PHF21A: variants seen among roughly 807,000 people sequenced by gnomAD.
PHF21A encodes PHD finger protein 21A, also known as BHC80a.
PHF21A carries 11 observed loss-of-function variants against 82.5 expected under a neutral mutation model. That is an observed-to-expected ratio of 0.13 (90% CI 0.08 to 0.22). The LOEUF (loss-of-function observed/expected upper bound fraction) is 0.22. Among genes scored for constraint, PHF21A ranks in the 10% least tolerant of loss-of-function variants. The pLI is 1.00. For synonymous variants in PHF21A, 297 were observed against 302.8 expected (o/e 0.98, Z 0.20); for missense variants, 579 against 837.8 (o/e 0.69, Z 3.81).
intron 6 of PHF21A, among the ~76,000 whole-genome samples, chr11:46,039,203 AT>A (rs1177413495): frequency 1.3e-5 from 2 of 152,208 alleles, no homozygotes; most frequent in Non-Finnish European, 2.9e-5. Flanking sequence ...GAGAATACTA[AT>A]GAAACGTTTA....
intron 9 of PHF21A, among the ~76,000 whole-genome samples, chr11:45,966,195 C>CTT (rs59470131): frequency 0.88 from 133,692 of 152,060 alleles, 58,993 homozygotes; most frequent in East Asian, 1. Context: ...GTACTGAAGA[C>CTT]TCACACTTTT....
intron 10 of PHF21A, among the ~76,000 whole-genome samples, chr11:45,954,959 T>C (rs1426314304): frequency 6.6e-6 from 1 of 152,228 alleles, no homozygotes; most frequent in Non-Finnish European, 1.5e-5. Context: ...TGATTTTCTT[T>C]CCTGGCCACT....
chr11:45,974,466 A>G (rs992864382), intron 7 of PHF21A, among the ~76,000 whole-genome samples: 1 of 149,326 alleles, frequency 6.7e-6, no homozygotes, highest in Admixed American at 6.6e-5. Context: ...CTGTTTATTT[A>G]TTTTTGAGAC....
intron 9 of PHF21A, among the ~76,000 whole-genome samples, chr11:45,967,281 T>C (rs547253329): frequency 3.3e-5 from 5 of 151,682 alleles, no homozygotes; most frequent in African/African-American, 9.7e-5. Context: ...GACATAAGGA[T>C]TGCTTGAACC....
chr11:46,001,353 C>T (rs1460968037), intron 6 of PHF21A, among the ~76,000 whole-genome samples: 1 of 150,934 alleles, frequency 6.6e-6, no homozygotes, highest in Non-Finnish European at 1.5e-5. Flanking sequence ...CTAGATATCA[C>T]TGTTATCAAC....
intron 13 of PHF21A, 72 bp downstream of exon 13, chr11:45,949,330 G>T: frequency 8.0e-7 from 1 of 1,243,634 alleles, no homozygotes. Context: ...CAGGTTTTCA[G>T]AGGGGAGGCA....
At chr11:46,045,429 A>C (rs973779060) in intron 6 of PHF21A, among the ~76,000 whole-genome samples, 16 of 152,326 alleles carry the variant, frequency 1.1e-4, no homozygotes, top group African/African-American at 3.4e-4. Context: ...GTAGAGAAAG[A>C]ACAGAGAGGT....
chr11:46,007,330 T>C (rs909592872), intron 6 of PHF21A, among the ~76,000 whole-genome samples: 1 of 152,028 alleles, frequency 6.6e-6, no homozygotes, highest in Non-Finnish European at 1.5e-5. Context: ...TTTTTTTTTT[T>C]TTCGAGATGG....
At chr11:46,065,354 C>T (rs1338552956) in intron 6 of PHF21A, among the ~76,000 whole-genome samples, 2 of 151,368 alleles carry the variant, frequency 1.3e-5, no homozygotes, top group African/African-American at 4.8e-5. Context: ...CCTTTTTTGC[C>T]CCAGGATGTT....
At chr11:46,077,695 A>G (rs1474317289) in intron 5 of PHF21A, among the ~76,000 whole-genome samples, 1 of 152,170 alleles carries the variant, frequency 6.6e-6, no homozygotes, top group Non-Finnish European at 1.5e-5. Flanking sequence ...GGCTTCTCCA[A>G]TGAGATCACC....
intron 6 of PHF21A, among the ~76,000 whole-genome samples, chr11:46,052,799 C>G (rs867671257): frequency 6.6e-6 from 1 of 152,192 alleles, no homozygotes; most frequent in Admixed American, 6.5e-5. Context: ...AGTTAACAAG[C>G]CTTTTCCACC....
chr11:46,114,766 G>A (rs1382662228), intron 1 of PHF21A, among the ~76,000 whole-genome samples: 1 of 152,174 alleles, frequency 6.6e-6, no homozygotes, highest in African/African-American at 2.4e-5. Flanking sequence ...CTTTGGAGAT[G>A]CACATGGTTA....
intron 6 of PHF21A, among the ~76,000 whole-genome samples, chr11:46,009,470 T>C (rs1185253246): frequency 6.6e-6 from 1 of 152,226 alleles, no homozygotes; most frequent in Non-Finnish European, 1.5e-5. Flanking sequence ...AACCATACAA[T>C]TTAACATCTA....
chr11:46,067,044 A>G (rs2096602463), intron 6 of PHF21A, among the ~76,000 whole-genome samples: 1 of 152,206 alleles, frequency 6.6e-6, no homozygotes, highest in African/African-American at 2.4e-5. Flanking sequence ...ATTCCATAAT[A>G]TGCATATATA....
chr11:45,989,141 A>G (rs906068767), intron 6 of PHF21A, among the ~76,000 whole-genome samples: 4 of 152,190 alleles, frequency 2.6e-5, no homozygotes, highest in African/African-American at 9.6e-5. Flanking sequence ...CTCTTCCAAG[A>G]CATGTGATAA....
chr11:46,050,545 C>T (rs1466128392), intron 6 of PHF21A, among the ~76,000 whole-genome samples: 1 of 152,138 alleles, frequency 6.6e-6, no homozygotes, highest in East Asian at 1.9e-4. Flanking sequence ...CAGCATGTTA[C>T]TTACTGATAT....
chr11:46,117,317 C>A (rs1003289076), intron 1 of PHF21A: 2 of 152,158 alleles, frequency 1.3e-5, no homozygotes, highest in African/African-American at 4.8e-5. Flanking sequence ...AATCAATTCA[C>A]CTAACACTAA....
intron 11 of PHF21A, among the ~76,000 whole-genome samples, chr11:45,952,118 A>G (rs1281707528): frequency 6.6e-6 from 1 of 152,176 alleles, no homozygotes; most frequent in Non-Finnish European, 1.5e-5. Flanking sequence ...ATTTTTGATG[A>G]TAGAATAAAA....
In PHF21A at chr11:45,935,655, T is replaced by A; in HGVS notation, c.1769A>T (p.Gln590Leu). 6.6e-7 allele frequency: 1 copy of A among 1,519,984 alleles called. No individual in the cohort carries two copies. The allele number at this position is 1,519,984 out of a possible 1,614,324, so 94.2% of individuals were successfully genotyped here. ...ACTTACACTTATGGAATTGCTGAGC[T>A]GTTTCACCTTTTGCTCTAGTTGTTC... ...EREQLEQKVK[Q>L]LSNSISKCME... is the part of the protein sequence containing the mutation. The change falls in exon 18 of 19, where the codon CAG becomes CTG. Residue 590 changes from glutamine (Q) to leucine (L), a missense_variant. Physicochemically the swap from Gln to Leu is moderately radical, Grantham distance 113 (BLOSUM62 -2). This residue lies in a region of PHF21A where 157 missense variants were observed against 149.4 expected (regional missense o/e 1.05). Transcript: ENST00000676320.
Sources: allele counts gnomAD v4.1 joint callset (sites outside exome capture counted in the v4.1 genomes callset), GRCh38; gene constraint gnomAD v4.1.1; regional missense constraint gnomAD v4.1.1; transcripts MANE v1.5; gene names NCBI Gene and HGNC (gene_info 2026-07-23, HGNC 2026-07-21).